Variants in ATG16L2 observed in about 807,000 individuals in gnomAD.
ATG16L2 encodes the protein autophagy related 16 like 2.
ATG16L2 carries 77 observed loss-of-function variants against 84.7 expected under a neutral mutation model. The observed-to-expected ratio is 0.91, with a 90% CI of 0.76 to 1.10. The LOEUF (loss-of-function observed/expected upper bound fraction) is 1.10, where lower values mean the gene tolerates loss of function less well. ATG16L2 is among the 50% of genes least tolerant of loss of function. The pLI is 0.00. For missense variants in ATG16L2, 782 were observed against 817.6 expected (o/e 0.96, Z 0.53); for synonymous variants, 361 against 342.8 (o/e 1.05, Z -0.59).
At chr11:72,828,612 G>T (rs1055194356) in intron 15 of ATG16L2, 104 bp downstream of exon 15, 1 of 1,592,962 alleles carries the variant, frequency 6.3e-7, no homozygotes. Context: ...GGCCCCTCCA[G>T]ACCAGGTCCT....
intron 13 of ATG16L2, 88 bp downstream of exon 13, chr11:72,826,911 G>A: frequency 1.4e-6 from 2 of 1,475,384 alleles, no homozygotes; most frequent in Middle Eastern, 2.3e-4. Flanking sequence ...CTCTCTGGGA[G>A]TGGCTCTGAG....
At chr11:72,843,429 A>G in exon 6 of ATG16L2, 1 of 1,608,094 alleles carries the variant, frequency 6.2e-7, no homozygotes, top group African/African-American at 1.3e-5. Flanking sequence ...AGAAAGGGCG[A>G]TATGAGCAAA....
rs1860271125 is a variant in ATG16L2, at chr11:72,825,184, G to A, written c.997-118G>A. 18 of 753,884 alleles carry A rather than the reference G, an allele frequency of 2.4e-5. No homozygotes were observed. The East Asian group carries it at 4.8e-4, about 20-fold the overall frequency. 46.7% of individuals were successfully genotyped at this position (753,884 alleles called of 1,614,324 possible). On this transcript the variant is annotated intron_variant, in intron 9 of 17. Transcript: ENST00000321297. The stretch of plus-strand genomic sequence containing the variant: ...AGAGTGTGGACAGAGAAACTGGGGA[G>A]GGAGATACCACGTCTGCAGCAGGCT...
rs560893789 is a variant in ATG16L2, at chr11:72,816,506, G to T, written c.119-222G>T. Reference sequence around the variant, plus strand: ...CCTGGGAGAGCAGGTCCTCTTCCACGTGGGCCTGGGGACCGGTGCTATGAG... The same window carrying T: ...CCTGGGAGAGCAGGTCCTCTTCCACTTGGGCCTGGGGACCGGTGCTATGAG... On this transcript the variant is annotated intron_variant, in intron 1 of 17. Coordinates refer to ENST00000321297, the MANE Select transcript of ATG16L2 (RefSeq NM_033388.2). Among the ~76,000 whole-genome samples the T allele has an allele frequency of 3.9e-5, 6 of 152,176 alleles. No homozygotes were observed. In the South Asian group the frequency reaches 1.2e-3, roughly 31 times the overall value.
chr11:72,822,360 C>T lies in ATG16L2; in HGVS notation c.644+65C>T, dbSNP rs1372389535. 1.3e-6 allele frequency: 2 copies of T among 1,557,792 alleles called. No homozygotes were observed. Among genetic ancestry groups the T allele is most frequent in the Admixed American group, 2.0e-5 (1 of 51,152 alleles). Reference sequence around the variant, plus strand: ...GCCCCTGCAGGGAGGAGTCGGGCCTCGCCGGTGTCTGGAAGGGAGGGGGGC... The same window carrying T: ...GCCCCTGCAGGGAGGAGTCGGGCCTTGCCGGTGTCTGGAAGGGAGGGGGGC... On this transcript the variant is annotated intron_variant, in intron 5 of 17. Coordinates refer to ENST00000321297, the MANE Select transcript of ATG16L2 (RefSeq NM_033388.2). The surrounding 1 kb of genome is among the most constrained non-coding windows in gnomAD (Gnocchi z 4.2).
At chr11:72,817,474 C>G (rs1488586756) in intron 2 of ATG16L2, among the ~76,000 whole-genome samples, 1 of 152,178 alleles carries the variant, frequency 6.6e-6, no homozygotes, top group Non-Finnish European at 1.5e-5. Context: ...CCACCTCGGC[C>G]TCCCAAAGTG....
Position 72,824,049 on chromosome 11 carries a change from T to G in ATG16L2, c.825-11T>G, listed in dbSNP as rs769823638. 1.2e-6 allele frequency: 2 copies of G among 1,614,176 alleles called. No homozygotes were observed. Among genetic ancestry groups the G allele is most frequent in the Non-Finnish European group, 1.7e-6 (2 of 1,180,004 alleles). ...CAGTCCCTTAGCATATCTCTCTTGG[T>G]TTTGTCTCAGGTCTGCCTCAGCCAC... On this transcript the variant is annotated splice_polypyrimidine_tract_variant and intron_variant, in intron 7 of 17. Coordinates refer to ENST00000321297, the MANE Select transcript of ATG16L2 (RefSeq NM_033388.2).
At chr11:72,838,982 G>A in intron 5 of ATG16L2, 1 of 910,258 alleles carries the variant, frequency 1.1e-6, no homozygotes. Flanking sequence ...CACCCTAGGG[G>A]TCTCAGAAAT....
chr11:72,819,871 G>T (rs554287127), intron 3 of ATG16L2, among the ~76,000 whole-genome samples: 1 of 151,674 alleles, frequency 6.6e-6, no homozygotes, highest in South Asian at 2.1e-4. Flanking sequence ...TCAGCCTCCC[G>T]AGTAGCTGGG....
intron 5 of ATG16L2, chr11:72,841,031 G>A: frequency 8.7e-7 from 1 of 1,154,310 alleles, no homozygotes. Flanking sequence ...AGGCTGGCAT[G>A]GTGGCTTGAG....
Position 72,814,476 on chromosome 11 carries a change from G to A in ATG16L2, c.31G>A (p.Ala11Thr). 6.6e-7 allele frequency: 1 copy of A among 1,519,482 alleles called. No individual in the cohort carries two copies. The allele number at this position is 1,519,482 out of a possible 1,614,324, so 94.1% of individuals were successfully genotyped here. Residue 11 changes from alanine (A) to threonine (T), a missense_variant, in exon 1 of 18, where the codon GCA becomes ACA. By Grantham distance (58) the Ala-to-Thr change is moderately conservative. Coordinates refer to ENST00000321297, the MANE Select transcript of ATG16L2 (RefSeq NM_033388.2). ...GGGGCCGGGCGTCCCCGGTGCCCCC[G>A]CAGCGCGCTGGAAACGCCACATCGT... MAGPGVPGAPAARWKRHIVRQ... is the reference protein window; with the variant it reads MAGPGVPGAPTARWKRHIVRQ...
In ATG16L2 at chr11:72,829,499, G is replaced by C. The variant is rs756687970; in HGVS notation, c.*109G>C. ...CTGGAGCTGGCCTTGGGATTTAATG[G>C]GGAAGAAGGCCTGGCAGGACCTGGC... On this transcript the variant is annotated 3_prime_UTR_variant, in exon 18 of 18. Transcript: ENST00000321297. 18 of 1,465,008 alleles carry C rather than the reference G, an allele frequency of 1.2e-5. No individual in the cohort carries two copies. Among genetic ancestry groups the C allele is most frequent in the Non-Finnish European group, 1.6e-5 (18 of 1,107,540 alleles). 90.8% of individuals were successfully genotyped at this position (1,465,008 alleles called of 1,614,324 possible).
At chr11:72,835,302 C>A (rs1184933140) in intron 5 of ATG16L2, among the ~76,000 whole-genome samples, 1 of 152,176 alleles carries the variant, frequency 6.6e-6, no homozygotes, top group Non-Finnish European at 1.5e-5. Context: ...GGCCTTATGA[C>A]AACTCTGTGC....
At chr11:72,818,512 C>T (rs1859811268) in intron 3 of ATG16L2, 1 of 152,278 alleles carries the variant, frequency 6.6e-6, no homozygotes, top group African/African-American at 2.4e-5. Context: ...CTCTCTTGCT[C>T]AGCTGCTTTT....
At chr11:72,842,306 C>T (rs1298551247) in intron 5 of ATG16L2, among the ~76,000 whole-genome samples, 1 of 152,260 alleles carries the variant, frequency 6.6e-6, no homozygotes, top group Non-Finnish European at 1.5e-5. Context: ...AGAGCAACGC[C>T]TTCCCTCTTC....
rs755416638 is a variant in ATG16L2, at chr11:72,829,432, C to T, written c.*42C>T. 3.6e-5 allele frequency: 58 copies of T among 1,592,192 alleles called. 1 individual carries two copies. The highest frequency in any genetic ancestry group is 4.7e-5 in the Non-Finnish European group (55 of 1,167,612). The stretch of plus-strand genomic sequence containing the variant: ...CCTGGGCTGGAGCTCTTGCCCGAAG[C>T]CTGAAGCTTCCTTCGGCGCCATGCA... On this transcript the variant is annotated 3_prime_UTR_variant, in exon 18 of 18. Transcript: ENST00000321297.
intron 2 of ATG16L2, 62 bp downstream of exon 2, chr11:72,816,889 C>CG (rs1444327210): frequency 1.4e-6 from 2 of 1,383,538 alleles, no homozygotes; most frequent in Non-Finnish European, 2.0e-6. Flanking sequence ...GCCCCTGCTG[C>CG]CTGTGCTGGG....
chr11:72,826,888 G>C, intron 13 of ATG16L2, 65 bp downstream of exon 13: 1 of 1,575,340 alleles, frequency 6.3e-7, no homozygotes, highest in South Asian at 1.1e-5. Flanking sequence ...CAGGGCACAA[G>C]GGACCTCACC....
In ATG16L2 at chr11:72,816,797, G is replaced by GTGTC; in HGVS notation, c.189_192dup (p.Thr65CysfsTer16). The GTGTC allele has an allele frequency of 6.2e-7, 1 of 1,614,236 alleles. No homozygotes were observed. The highest frequency in any genetic ancestry group is 1.1e-5 in the South Asian group (1 of 91,090). ...AAGAAGCTGCAGCCGGAGCCAAACA[G>GTGTC]TGTCACTCCCACCACCCACCAGGGC... is the stretch of plus-strand genomic sequence containing the variant. On this transcript the variant is annotated frameshift_variant, in exon 2 of 18. Transcript: ENST00000321297. LOFTEE classifies it high-confidence loss of function.
Sources: allele counts gnomAD v4.1 joint callset (sites outside exome capture counted in the v4.1 genomes callset), GRCh38; gene constraint gnomAD v4.1.1; non-coding constraint Gnocchi (gnomAD v3.1); transcripts MANE v1.5; gene names NCBI Gene and HGNC (gene_info 2026-07-23, HGNC 2026-07-21).